Variants in BCKDHB observed in about 807,000 individuals in gnomAD.
The protein encoded by BCKDHB is branched chain keto acid dehydrogenase E1 subunit beta.
In BCKDHB, 41 loss-of-function variants were observed where a neutral mutation model predicts 48.5. The observed-to-expected ratio is 0.85, with a 90% CI of 0.66 to 1.10. The LOEUF is 1.10. Ranked by LOEUF, BCKDHB falls within the 50% of genes least tolerant of loss-of-function variation. BCKDHB has a pLI of 0.00. For synonymous variants in BCKDHB, 201 were observed against 174.8 expected, an observed-to-expected ratio of 1.15 and a Z score of -1.18; for missense variants, 496 against 494.2, an observed-to-expected ratio of 1.00 and a Z score of -0.03.
At chr6:80,399,489 C>A in the BCKDHB span, among the ~76,000 whole-genome samples, 1 of 152,174 alleles carries the variant, frequency 6.6e-6, no homozygotes. Context: ...AAATGCAATC[C>A]TATTCACAAT....
chr6:80,224,743 ATAATGCTACTG>A (rs1323021545), intron 8 of BCKDHB, among the ~76,000 whole-genome samples: 1 of 152,200 alleles, frequency 6.6e-6, no homozygotes, highest in Non-Finnish European at 1.5e-5. Flanking sequence ...CCATAAAATT[ATAATGCTACTG>A]TATTGCCACA....
intron 6 of BCKDHB, among the ~76,000 whole-genome samples, chr6:80,178,559 C>A (rs1773271019): frequency 6.6e-6 from 1 of 152,148 alleles, no homozygotes; most frequent in African/African-American, 2.4e-5. Context: ...GTGAGATTAT[C>A]CATGTGTGTA....
Position 80,201,604 on chromosome 6 carries a change from A to G in BCKDHB, c.840+573A>G, listed in dbSNP as rs191472896. Among the ~76,000 whole-genome samples the G allele has an allele frequency of 3.0e-3, 462 of 152,252 alleles. 4 individuals are homozygous for G. The highest frequency in any genetic ancestry group is 0.01 in the African/African-American group (424 of 41,558). On this transcript the variant is annotated intron_variant, in intron 7 of 9. Coordinates refer to ENST00000320393, the MANE Select transcript of BCKDHB (RefSeq NM_183050.4). ...AATCTTTTTCATCACATTTCCTGCC[A>G]TCTCTCATCATTACTTTGCTGCTCA... is the stretch of plus-strand genomic sequence containing the variant.
At position 80,346,227 on chromosome 6, in the gene BCKDHB, T is replaced by G. The variant is rs1471945848; in HGVS notation, c.*2423T>G. On this transcript the variant is annotated 3_prime_UTR_variant, in exon 10 of 10. Coordinates refer to ENST00000320393, the MANE Select transcript of BCKDHB (RefSeq NM_183050.4). ...AATTCTGTTTAATTACATCTGTAAA[T>G]ATTATGTGTGTGATAGTATTCAATA... 6.6e-6 allele frequency: 1 copy of G among 152,192 alleles called. No individual in the cohort carries two copies. The highest frequency in any genetic ancestry group is 2.4e-5 in the African/African-American group (1 of 41,438). The allele number at this position is 152,192 out of a possible 1,614,324, so 9.4% of individuals were successfully genotyped here.
chr6:80,363,719 A>G, the BCKDHB span, among the ~76,000 whole-genome samples: 1 of 152,238 alleles, frequency 6.6e-6, no homozygotes, highest in Non-Finnish European at 1.5e-5. Context: ...TACCCAGAAT[A>G]TGCAATCCAG....
At chr6:80,224,387 AT>A (rs1221089981) in intron 8 of BCKDHB, among the ~76,000 whole-genome samples, 47 of 151,272 alleles carry the variant, frequency 3.1e-4, no homozygotes, top group African/African-American at 1.0e-3. Context: ...TAAAAGAGAG[AT>A]TTTTTTCTTT....
the BCKDHB span, among the ~76,000 whole-genome samples, chr6:80,375,562 CA>C: frequency 3.3e-5 from 5 of 151,262 alleles, no homozygotes; most frequent in African/African-American, 1.2e-4. Context: ...TATCCTGTAT[CA>C]TTTTTTTTTT....
the BCKDHB span, among the ~76,000 whole-genome samples, chr6:80,381,296 T>G: frequency 6.6e-6 from 1 of 152,040 alleles, no homozygotes; most frequent in African/African-American, 2.4e-5. Context: ...AAGTTCTATA[T>G]GCTAACATGT....
the BCKDHB span, among the ~76,000 whole-genome samples, chr6:80,434,183 A>G: frequency 5.9e-5 from 9 of 151,998 alleles, no homozygotes; most frequent in Non-Finnish European, 1.0e-4. Context: ...CACACTTGAT[A>G]TATTTTATTA....
At chr6:80,340,856 T>C (rs1769861010) in intron 9 of BCKDHB, among the ~76,000 whole-genome samples, 1 of 152,186 alleles carries the variant, frequency 6.6e-6, no homozygotes, top group South Asian at 2.1e-4. Flanking sequence ...ACACTGAGGC[T>C]GAACAAGGTG....
At chr6:80,230,528 G>T (rs973600300) in intron 8 of BCKDHB, among the ~76,000 whole-genome samples, 3 of 152,096 alleles carry the variant, frequency 2.0e-5, no homozygotes, top group African/African-American at 7.2e-5. Context: ...TTTCTATAAA[G>T]AGCCAGATAG....
At chr6:80,401,752 T>C in the BCKDHB span, among the ~76,000 whole-genome samples, 1 of 151,982 alleles carries the variant, frequency 6.6e-6, no homozygotes, top group South Asian at 2.1e-4. Flanking sequence ...TCCCCAAATC[T>C]TTGGCAACCA....
At chr6:80,139,729 A>G (rs532637576) in intron 3 of BCKDHB, among the ~76,000 whole-genome samples, 4 of 152,142 alleles carry the variant, frequency 2.6e-5, no homozygotes, top group African/African-American at 9.6e-5. Flanking sequence ...GTTTGAAGTC[A>G]GGTAGTGTGA....
At chr6:80,379,837 A>G in the BCKDHB span, among the ~76,000 whole-genome samples, 7 of 151,994 alleles carry the variant, frequency 4.6e-5, no homozygotes, top group African/African-American at 1.7e-4. Flanking sequence ...AACTCAATCT[A>G]TTTACAGTAG....
intron 8 of BCKDHB, among the ~76,000 whole-genome samples, chr6:80,224,539 C>T (rs1775599340): frequency 6.6e-6 from 1 of 152,018 alleles, no homozygotes; most frequent in African/African-American, 2.4e-5. Context: ...ACTATAGGTG[C>T]ACACCACCAC....
chr6:80,223,601 A>G (rs1476851423), intron 8 of BCKDHB, among the ~76,000 whole-genome samples: 1 of 152,012 alleles, frequency 6.6e-6, no homozygotes, highest in Non-Finnish European at 1.5e-5. Context: ...TTCTGATACT[A>G]TTTTGCATTA....
rs142933230 is a variant in BCKDHB at position 80,339,110 on chromosome 6, T to C, written c.1039-4554T>C. On this transcript the variant is annotated intron_variant, in intron 9 of 9. Coordinates refer to ENST00000320393, the MANE Select transcript of BCKDHB (RefSeq NM_183050.4). Reference sequence around the variant, plus strand: ...ACACTGTGACAAGGAGAATTAGGGATTGACATACTTAAAACTTGAATGGAG... The same window carrying C: ...ACACTGTGACAAGGAGAATTAGGGACTGACATACTTAAAACTTGAATGGAG... Among the ~76,000 whole-genome samples, 25 of 152,286 alleles carry C rather than the reference T, an allele frequency of 1.6e-4. No homozygotes were observed. In the East Asian group the frequency reaches 4.4e-3, roughly 27 times the overall value.
At chr6:80,224,592 C>G (rs11961506) in intron 8 of BCKDHB, among the ~76,000 whole-genome samples, 10,909 of 152,120 alleles carry the variant, frequency 0.072, 577 homozygotes, top group South Asian at 0.24. Context: ...GACGGGCTTT[C>G]GCCATGTTGC....
At chr6:80,403,430 T>C in the BCKDHB span, among the ~76,000 whole-genome samples, 1 of 151,978 alleles carries the variant, frequency 6.6e-6, no homozygotes, top group African/African-American at 2.4e-5. Context: ...TATGTTGATT[T>C]TGTATTCTGC....
Sources: allele counts gnomAD v4.1 joint callset (sites outside exome capture counted in the v4.1 genomes callset), GRCh38; gene constraint gnomAD v4.1.1; transcripts MANE v1.5; gene names NCBI Gene and HGNC (gene_info 2026-07-23, HGNC 2026-07-21).